Variants in GPC6 observed in about 807,000 individuals in gnomAD.
GPC6 encodes the protein glypican 6, also known as glypican-6.
A neutral mutation model predicts 55.2 loss-of-function variants in GPC6; 14 were observed. The observed-to-expected ratio is 0.25, with a 90% CI of 0.17 to 0.40. The LOEUF (loss-of-function observed/expected upper bound fraction) is 0.40. Among genes scored for constraint, GPC6 ranks in the 10% least tolerant of loss-of-function variants. The pLI, the probability that GPC6 is intolerant of heterozygous loss-of-function variation, is 1.00. For missense variants in GPC6, 641 were observed against 708.5 expected, an observed-to-expected ratio of 0.90 and a Z score of 1.08; for synonymous variants, 278 against 259.6, an observed-to-expected ratio of 1.07 and a Z score of -0.68.
chr13:93,699,537 T>C (rs1432937807), intron 2 of GPC6, among the ~76,000 whole-genome samples: 2 of 152,158 alleles, frequency 1.3e-5, no homozygotes, highest in African/African-American at 4.8e-5. Context: ...AAATCATGCC[T>C]GATTTCCTTT....
intron 2 of GPC6, among the ~76,000 whole-genome samples, chr13:93,568,445 C>T (rs1463750233): frequency 6.6e-6 from 1 of 152,070 alleles, no homozygotes; most frequent in Non-Finnish European, 1.5e-5. Flanking sequence ...AAATATCTCC[C>T]TTGGAGATGT....
chr13:93,261,342 T>G (rs367799461), intron 1 of GPC6, among the ~76,000 whole-genome samples: 1 of 152,132 alleles, frequency 6.6e-6, no homozygotes, highest in South Asian at 2.1e-4. Flanking sequence ...TTCTAAGACT[T>G]TCCATCTTTC....
intron 4 of GPC6, among the ~76,000 whole-genome samples, chr13:94,098,793 G>C (rs1389883760): frequency 1.3e-5 from 2 of 152,132 alleles, no homozygotes; most frequent in African/African-American, 4.8e-5. Context: ...GACTAAATGA[G>C]AAAGCAAAAT....
At chr13:93,950,411 T>C (rs903636057) in intron 3 of GPC6, among the ~76,000 whole-genome samples, 1 of 152,176 alleles carries the variant, frequency 6.6e-6, no homozygotes, top group African/African-American at 2.4e-5. Flanking sequence ...TAAAGGAATA[T>C]GCTATTTTTT....
At chr13:94,168,492 A>G (rs1888444850) in intron 4 of GPC6, among the ~76,000 whole-genome samples, 1 of 152,068 alleles carries the variant, frequency 6.6e-6, no homozygotes, top group African/African-American at 2.4e-5. Flanking sequence ...AAGTAGTGCT[A>G]AGTTCCCAGC....
chr13:93,285,632 G>GTGTGTGTGTGTGTGTGTA (rs1555287677), intron 1 of GPC6, among the ~76,000 whole-genome samples: 87 of 142,310 alleles, frequency 6.1e-4, no homozygotes, highest in African/African-American at 2.2e-3. Flanking sequence ...GTGTGTGTGT[G>GTGTGTGTGTGTGTGTGTA]TGTGTGTGTG....
At chr13:93,448,864 G>GACA (rs987343274) in intron 1 of GPC6, among the ~76,000 whole-genome samples, 1 of 152,062 alleles carries the variant, frequency 6.6e-6, no homozygotes, top group South Asian at 2.1e-4. Flanking sequence ...TACTTAAAAT[G>GACA]ACAACAACAA....
At chr13:93,884,789 A>C (rs937927134) in intron 3 of GPC6, among the ~76,000 whole-genome samples, 2 of 152,122 alleles carry the variant, frequency 1.3e-5, no homozygotes, top group African/African-American at 4.8e-5. Context: ...AACACTTTCC[A>C]TAGGGTTATC....
chr13:94,207,346 TAAC>T (rs1042954678), intron 4 of GPC6, among the ~76,000 whole-genome samples: 26 of 152,342 alleles, frequency 1.7e-4, no homozygotes, highest in African/African-American at 5.8e-4. Flanking sequence ...AAGCAAATCT[TAAC>T]AAACCCATAT....
chr13:93,228,338 C>T (rs1875885095), intron 1 of GPC6, among the ~76,000 whole-genome samples: 1 of 152,214 alleles, frequency 6.6e-6, no homozygotes. Context: ...CCCGGGGACA[C>T]CCTGCCACCC....
In GPC6 at chr13:93,278,569, T is replaced by C. The variant is rs1017827248; in HGVS notation, c.160+50953T>C. ...TTTATTTGTGTTTATCATTGTCATG[T>C]GGATCATTTAATTGCTAAGTGACGT... is the stretch of plus-strand genomic sequence containing the variant. On this transcript the variant is annotated intron_variant, in intron 1 of 8. Transcript: ENST00000377047. 6.6e-5 allele frequency among the ~76,000 whole-genome samples: 10 copies of C among 152,360 alleles called. No individual in the cohort carries two copies. The East Asian group carries it at 1.9e-3, about 29-fold the overall frequency.
intron 2 of GPC6, among the ~76,000 whole-genome samples, chr13:93,585,537 T>C (rs1375259699): frequency 7.9e-5 from 12 of 152,218 alleles, no homozygotes; most frequent in Admixed American, 7.9e-4. Context: ...AGAAACCTAA[T>C]AATAAAGTAA....
intron 1 of GPC6, among the ~76,000 whole-genome samples, chr13:93,463,984 A>G (rs9524076): frequency 0.023 from 3,404 of 146,912 alleles, 45 homozygotes; most frequent in Middle Eastern, 0.04. Context: ...AGCAATTATC[A>G]AAATAATTAA....
chr13:94,242,312 C>A (rs937122177), intron 4 of GPC6, among the ~76,000 whole-genome samples: 14 of 152,020 alleles, frequency 9.2e-5, no homozygotes, highest in Admixed American at 7.9e-4. Flanking sequence ...TAAACTAGTT[C>A]AATCATTATG....
At chr13:93,718,098 T>C (rs1050066194) in intron 2 of GPC6, among the ~76,000 whole-genome samples, 2 of 151,650 alleles carry the variant, frequency 1.3e-5, no homozygotes, top group African/African-American at 4.8e-5. Flanking sequence ...TATAGTAGAA[T>C]GATTTATAAT....
In GPC6 at chr13:94,221,534, G is replaced by A. The variant is rs190577541; in HGVS notation, c.878-64815G>A. 1.0e-3 allele frequency among the ~76,000 whole-genome samples: 158 copies of A among 152,138 alleles called. 1 individual carries two copies. Among genetic ancestry groups the A allele is most frequent in the Middle Eastern group, 0.01 (3 of 294 alleles). ...GCATTACCTGAGATTAAGGGTTAGC[G>A]CACTCACATTATGCTCACACCTTGT... is the stretch of plus-strand genomic sequence containing the variant. On this transcript the variant is annotated intron_variant, in intron 4 of 8. Coordinates refer to ENST00000377047, the MANE Select transcript of GPC6 (RefSeq NM_005708.5).
intron 4 of GPC6, among the ~76,000 whole-genome samples, chr13:94,182,908 T>C (rs1889044865): frequency 6.6e-6 from 1 of 152,154 alleles, no homozygotes; most frequent in South Asian, 2.1e-4. Context: ...CCCAAGTAGC[T>C]GGGACTACAG....
intron 4 of GPC6, among the ~76,000 whole-genome samples, chr13:94,199,639 A>G (rs555071877): frequency 6.6e-6 from 1 of 152,282 alleles, no homozygotes; most frequent in East Asian, 1.9e-4. Context: ...TTTTTAAAGC[A>G]GTTCTTTTTC....
At chr13:93,484,000 T>G (rs893675753) in intron 1 of GPC6, among the ~76,000 whole-genome samples, 2 of 152,190 alleles carry the variant, frequency 1.3e-5, no homozygotes, top group African/African-American at 2.4e-5. Flanking sequence ...TTTAACTATT[T>G]TCCTTGTTTA....
Sources: gnomAD v4.1 joint callset for allele counts (sites outside exome capture counted in the v4.1 genomes callset) on GRCh38, gnomAD v4.1.1 for gene constraint, MANE v1.5 for transcripts, NCBI Gene and HGNC (gene_info 2026-07-23, HGNC 2026-07-21) for gene names.